The following CHID1 variants were observed in gnomAD, a reference collection of about 807,000 sequenced individuals.
CHID1 encodes chitinase domain-containing protein 1.
In CHID1, 44 loss-of-function variants were observed where a neutral mutation model predicts 55.4. The ratio of observed to expected loss-of-function variants is 0.79; its 90% CI spans 0.62 to 1.02. The LOEUF is 1.02. Among genes scored for constraint, CHID1 ranks in the 50% least tolerant of loss-of-function variants. The probability of loss-of-function intolerance (pLI) is 0.00; values close to 1 mark genes in which losing one functional copy is unlikely to be tolerated. For missense variants in CHID1, 491 were observed against 515.3 expected, an observed-to-expected ratio of 0.95 and a Z score of 0.46; for synonymous variants, 216 against 212.9, an observed-to-expected ratio of 1.01 and a Z score of -0.13.
In CHID1 at chr11:875,929, C is replaced by A. The variant is rs570759571; in HGVS notation, c.960-5430G>T. On this transcript the variant is annotated intron_variant, in intron 10 of 12. Coordinates refer to ENST00000323578, the MANE Select transcript of CHID1 (RefSeq NM_023947.4). The surrounding 1 kb of genome is among the most constrained non-coding windows in gnomAD (Gnocchi z 4.7). ...GGCTGGAGGAGCGAGGAGGCTGGGA[C>A]TGGATGACTGGCTGGTGTGGGTGGC... is the stretch of plus-strand genomic sequence containing the variant. Among the ~76,000 whole-genome samples the A allele has an allele frequency of 6.6e-6, 1 of 152,246 alleles. No individual in the cohort carries two copies. The highest frequency in any genetic ancestry group is 2.4e-5 in the African/African-American group (1 of 41,558).
In CHID1 at chr11:904,705, C is replaced by A. The variant is rs757574294; in HGVS notation, c.111+1G>T. On this transcript the variant is annotated splice_donor_variant, in intron 2 of 12. Transcript: ENST00000323578. LOFTEE classifies it high-confidence loss of function. ...ACCTCAAGTCCCCAGGCCACCCTTA[C>A]CTTCTCCAGCAGCGTCTTTGAGGCG... 1.9e-6 allele frequency: 3 copies of A among 1,614,048 alleles called. No homozygotes were observed. The highest frequency in any genetic ancestry group is 2.5e-6 in the Non-Finnish European group (3 of 1,179,952).
At chr11:877,571 C>T (rs1849597301) in intron 10 of CHID1, among the ~76,000 whole-genome samples, 1 of 152,200 alleles carries the variant, frequency 6.6e-6, no homozygotes, top group African/African-American at 2.4e-5. Context: ...GTGACCTGAC[C>T]CAGGCTCTTG....
chr11:897,825 A>G (rs28399210), intron 7 of CHID1, among the ~76,000 whole-genome samples: 150,746 of 152,024 alleles, frequency 0.99, 74,755 homozygotes, highest in Middle Eastern at 1. Context: ...TCCAGTGGGC[A>G]ACCACATTGA....
chr11:882,149 A>AC (rs1850006382), intron 10 of CHID1, among the ~76,000 whole-genome samples: 4 of 152,060 alleles, frequency 2.6e-5, no homozygotes, highest in Admixed American at 2.6e-4. Flanking sequence ...ATGCGGTGAA[A>AC]TCCCATCTCT....
chr11:904,959 G>T, intron 1 of CHID1, 100 bp from the exon 2 acceptor site: 1 of 1,328,658 alleles, frequency 7.5e-7, no homozygotes, highest in Non-Finnish European at 1.0e-6. Flanking sequence ...TAGGGCCTGG[G>T]TCCTCATGGC....
chr11:871,464 C>T (rs1849169226), intron 10 of CHID1, among the ~76,000 whole-genome samples: 1 of 3,304 alleles, frequency 3.0e-4, no homozygotes, highest in Non-Finnish European at 5.8e-4. Context: ...CTGCGGCTTC[C>T]AGGTCACGGG....
chr11:901,379 C>T (rs1589890599), intron 4 of CHID1, among the ~76,000 whole-genome samples: 1 of 152,238 alleles, frequency 6.6e-6, no homozygotes, highest in Non-Finnish European at 1.5e-5. Flanking sequence ...CACCTCCCCA[C>T]GGTTCTCTCA....
intron 10 of CHID1, among the ~76,000 whole-genome samples, chr11:879,958 T>G (rs1056388973): frequency 6.6e-6 from 1 of 152,166 alleles, no homozygotes; most frequent in Admixed American, 6.5e-5. Flanking sequence ...TTCCCAGGAT[T>G]CCCAGCATCA....
chr11:914,405 C>T, upstream of CHID1: 3 of 664,110 alleles, frequency 4.5e-6, no homozygotes, highest in Non-Finnish European at 6.9e-6. Flanking sequence ...TGCCTGTCTG[C>T]CGTGGGCATG....
At chr11:902,096 A>G (rs1851861989) in intron 4 of CHID1, 102 bp downstream of exon 4, 1 of 1,369,936 alleles carries the variant, frequency 7.3e-7, no homozygotes. Flanking sequence ...ATACAGAGAC[A>G]CCCACAGAGA....
At chr11:914,864 A>G (rs1376533369), upstream of CHID1, 2 of 330,000 alleles carry the variant, frequency 6.1e-6, no homozygotes, top group Non-Finnish European at 1.2e-5. Context: ...CCTCATTTGC[A>G]GAGTCAGCAC....
chr11:892,611 G>C (rs534628865), intron 8 of CHID1, among the ~76,000 whole-genome samples: 1 of 152,354 alleles, frequency 6.6e-6, no homozygotes, highest in South Asian at 2.1e-4. Context: ...GCCTGCCCCA[G>C]CTCCAGGGGA....
chr11:873,157 C>G (rs2134112085), intron 10 of CHID1, among the ~76,000 whole-genome samples: 1 of 152,212 alleles, frequency 6.6e-6, no homozygotes, highest in South Asian at 2.1e-4. Flanking sequence ...GAGAGTCACT[C>G]CTGGGGAGGG....
At chr11:910,915 A>G, upstream of CHID1, 2 of 872,346 alleles carry the variant, frequency 2.3e-6, no homozygotes, top group Non-Finnish European at 2.8e-6. Context: ...AGGACAGGGG[A>G]CTGGGCAGGG....
At chr11:884,471 G>T in intron 8 of CHID1, among the ~76,000 whole-genome samples, 1 of 152,198 alleles carries the variant, frequency 6.6e-6, no homozygotes, top group South Asian at 2.1e-4. Flanking sequence ...GGCAAGGTCA[G>T]TGGAGAGTGG....
At chr11:885,568 C>CA (rs1359192476) in intron 8 of CHID1, among the ~76,000 whole-genome samples, 2 of 152,268 alleles carry the variant, frequency 1.3e-5, no homozygotes, top group African/African-American at 2.4e-5. Context: ...GCACTATGCC[C>CA]ATCACTCCCG....
At chr11:871,213 GA>G (rs1197277184) in intron 10 of CHID1, among the ~76,000 whole-genome samples, 1 of 152,010 alleles carries the variant, frequency 6.6e-6, no homozygotes, top group Non-Finnish European at 1.5e-5. Flanking sequence ...AGCTGGTCTC[GA>G]ACTCCTGACC....
At chr11:911,018 CCCTGG>C (rs1852652520), upstream of CHID1, 1 of 157,050 alleles carries the variant, frequency 6.4e-6, no homozygotes, top group African/African-American at 2.4e-5. Flanking sequence ...CCTTGAGCGC[CCCTGG>C]TGCTCGCGCT....
chr11:912,726 C>G (rs1357132272), upstream of CHID1, among the ~76,000 whole-genome samples: 2 of 150,488 alleles, frequency 1.3e-5, no homozygotes, highest in Non-Finnish European at 3.0e-5. Flanking sequence ...CGCCCGTAGT[C>G]CCAGCTACTT....
Sources: allele counts gnomAD v4.1 joint callset (sites outside exome capture counted in the v4.1 genomes callset), GRCh38; gene constraint gnomAD v4.1.1; non-coding constraint Gnocchi (gnomAD v3.1); transcripts MANE v1.5; gene names NCBI Gene and HGNC (gene_info 2026-07-23, HGNC 2026-07-21).